The following TMEFF2 variants were observed in gnomAD, a reference collection of about 807,000 sequenced individuals.
TMEFF2 encodes tomoregulin-2.
A neutral mutation model predicts 53.8 loss-of-function variants in TMEFF2; 28 were observed. That is an observed-to-expected ratio of 0.52 (90% CI 0.39 to 0.71). The LOEUF is 0.71. TMEFF2 is among the 30% of genes least tolerant of loss of function. TMEFF2 has a pLI of 0.00. For missense variants in TMEFF2, 353 were observed against 455.2 expected, an observed-to-expected ratio of 0.78 and a Z score of 2.04; for synonymous variants, 162 against 166.3, an observed-to-expected ratio of 0.97 and a Z score of 0.20.
intron 5 of TMEFF2, among the ~76,000 whole-genome samples, chr2:192,042,886 G>A (rs1687519155): frequency 6.6e-6 from 1 of 152,156 alleles, no homozygotes; most frequent in African/African-American, 2.4e-5. Context: ...TCCAGAAGAT[G>A]TACCTTCTAC....
chr2:192,119,969 T>C (rs1181376584), intron 4 of TMEFF2, among the ~76,000 whole-genome samples: 2 of 152,198 alleles, frequency 1.3e-5, no homozygotes, highest in Non-Finnish European at 2.9e-5. Context: ...TTCTAGAGAA[T>C]AACACAGGAA....
chr2:192,130,476 A>G (rs967096747), intron 4 of TMEFF2, among the ~76,000 whole-genome samples: 2 of 152,168 alleles, frequency 1.3e-5, no homozygotes, highest in Non-Finnish European at 2.9e-5. Flanking sequence ...AAGAATCACA[A>G]AAGAAGTGAA....
rs148318951 is a variant in TMEFF2, at chr2:192,102,549, A to G, written c.440-44774T>C. Reference sequence around the variant, plus strand: ...GAATGCTCTGCTCCTAGATATCTCCATGGCTCCCTCTCTCCTTCCCCTCCT... The same window carrying G: ...GAATGCTCTGCTCCTAGATATCTCCGTGGCTCCCTCTCTCCTTCCCCTCCT... On this transcript the variant is annotated intron_variant, in intron 4 of 9. Coordinates refer to ENST00000272771, the MANE Select transcript of TMEFF2 (RefSeq NM_016192.4). Among the ~76,000 whole-genome samples, 23 of 149,754 alleles carry G rather than the reference A, an allele frequency of 1.5e-4. No homozygotes were observed. The East Asian group carries it at 4.3e-3, about 28-fold the overall frequency.
chr2:192,087,509 G>C (rs1435293910), intron 4 of TMEFF2, among the ~76,000 whole-genome samples: 8 of 152,106 alleles, frequency 5.3e-5, no homozygotes, highest in African/African-American at 1.9e-4. Context: ...AGGGGCTCGA[G>C]TTTAGAGACA....
intron 4 of TMEFF2, among the ~76,000 whole-genome samples, chr2:192,068,879 A>G (rs58548057): frequency 0.017 from 2,641 of 151,932 alleles, 73 homozygotes; most frequent in African/African-American, 0.059. Context: ...TAAGAGGTCA[A>G]CATATTTTAT....
At position 191,956,265 on chromosome 2, in the gene TMEFF2, G is replaced by T. The variant is rs150289283; in HGVS notation, c.859C>A (p.Pro287Thr). 3 of 1,608,326 alleles carry T rather than the reference G, an allele frequency of 1.9e-6. No homozygotes were observed. The African/African-American group carries it at 4.0e-5, about 22-fold the overall frequency. The change falls in exon 8 of 10, where the codon CCA (proline) becomes ACA (threonine). Residue 287 changes from proline to threonine, a missense_variant. Pro to Thr is a conservative substitution (Grantham distance 38). Coordinates refer to ENST00000272771, the MANE Select transcript of TMEFF2 (RefSeq NM_016192.4). ...KCEHSINMQE[P>T]SCRCDAGYTG... ...GAGTAAAAATGTTACCTGCAAGATG[G>T]CTCCTGCATATTGATAGAATGCTCA...
At chr2:192,067,877 TA>T (rs918487189) in intron 4 of TMEFF2, among the ~76,000 whole-genome samples, 18 of 151,860 alleles carry the variant, frequency 1.2e-4, no homozygotes, top group African/African-American at 2.4e-5. Flanking sequence ...ATCTTTATCA[TA>T]CCTTGCCTAA....
intron 5 of TMEFF2, among the ~76,000 whole-genome samples, chr2:192,012,729 A>G (rs183617987): frequency 1.3e-5 from 2 of 152,358 alleles, no homozygotes; most frequent in African/African-American, 4.8e-5. Flanking sequence ...AATATTTAGA[A>G]AGAAATGTGA....
At chr2:191,973,985 C>T (rs1275473523) in intron 7 of TMEFF2, among the ~76,000 whole-genome samples, 2 of 152,250 alleles carry the variant, frequency 1.3e-5, no homozygotes, top group Admixed American at 1.3e-4. Flanking sequence ...AATTAAACCC[C>T]TTTCCTTTAT....
At chr2:191,955,239 C>G (rs1692037779) in intron 8 of TMEFF2, among the ~76,000 whole-genome samples, 1 of 151,448 alleles carries the variant, frequency 6.6e-6, no homozygotes, top group African/African-American at 2.4e-5. Context: ...CATCATATGT[C>G]ACTTGTACTT....
intron 1 of TMEFF2, among the ~76,000 whole-genome samples, chr2:192,192,254 T>C (rs551036894): frequency 2.0e-5 from 3 of 152,128 alleles, no homozygotes; most frequent in Non-Finnish European, 2.9e-5. Context: ...GCGTTAATAC[T>C]GACAGTGGTG....
intron 4 of TMEFF2, among the ~76,000 whole-genome samples, chr2:192,110,514 A>C (rs1394813965): frequency 1.3e-5 from 2 of 152,188 alleles, no homozygotes; most frequent in East Asian, 1.9e-4. Context: ...CTGTCTAAAT[A>C]TCTCTCTTCC....
intron 6 of TMEFF2, among the ~76,000 whole-genome samples, chr2:191,998,658 A>G (rs988349265): frequency 1.3e-5 from 2 of 152,020 alleles, no homozygotes; most frequent in African/African-American, 4.8e-5. Context: ...GCTTTTAAAA[A>G]TGCATTTTAA....
chr2:192,124,639 G>A lies in TMEFF2; in HGVS notation c.439+55029C>T, dbSNP rs990821532. 2.0e-5 allele frequency among the ~76,000 whole-genome samples: 3 copies of A among 152,284 alleles called. No individual in the cohort carries two copies. In the South Asian group the frequency reaches 6.2e-4, roughly 32 times the overall value. ...TTTCAAATTTATGTGGTCAACCTCA[G>A]AGAAACAGACTGTACACTTATAAAA... On this transcript the variant is annotated intron_variant, in intron 4 of 9. Coordinates refer to ENST00000272771, the MANE Select transcript of TMEFF2 (RefSeq NM_016192.4).
intron 4 of TMEFF2, among the ~76,000 whole-genome samples, chr2:192,144,222 A>G (rs1011669051): frequency 6.6e-6 from 1 of 151,954 alleles, no homozygotes; most frequent in African/African-American, 2.4e-5. Flanking sequence ...CCATTTTCTG[A>G]TTTCATTTCT....
chr2:192,156,709 G>A (rs1426398555), intron 4 of TMEFF2, among the ~76,000 whole-genome samples: 2 of 151,920 alleles, frequency 1.3e-5, no homozygotes, highest in South Asian at 2.1e-4. Context: ...TCTCAAATCC[G>A]ATTCCGAATT....
intron 7 of TMEFF2, among the ~76,000 whole-genome samples, chr2:191,968,371 T>G (rs1692527859): frequency 6.6e-6 from 1 of 152,160 alleles, no homozygotes; most frequent in Non-Finnish European, 1.5e-5. Flanking sequence ...AAAATTACTA[T>G]TTGTGTCACT....
intron 4 of TMEFF2, among the ~76,000 whole-genome samples, chr2:192,079,620 C>A (rs1008202934): frequency 2.6e-5 from 4 of 152,094 alleles, no homozygotes; most frequent in Non-Finnish European, 5.9e-5. Context: ...GTATTAGACT[C>A]TAATATATGT....
chr2:191,999,534 C>T (rs1354748892), intron 5 of TMEFF2, among the ~76,000 whole-genome samples: 1 of 151,980 alleles, frequency 6.6e-6, no homozygotes, highest in South Asian at 2.1e-4. Context: ...AGGCTGAGGT[C>T]ATGAAACTCT....
Sources: allele counts gnomAD v4.1 joint callset (sites outside exome capture counted in the v4.1 genomes callset), GRCh38; gene constraint gnomAD v4.1.1; transcripts MANE v1.5; gene names NCBI Gene and HGNC (gene_info 2026-07-23, HGNC 2026-07-21).